Variants in FAT3 observed in about 807,000 individuals in gnomAD.
FAT3 encodes protocadherin Fat 3.
FAT3 carries 95 observed loss-of-function variants against 310.2 expected under a neutral mutation model. The observed-to-expected ratio is 0.31, with a 90% CI of 0.26 to 0.36. The LOEUF is 0.36. Ranked by LOEUF, FAT3 falls within the 10% of genes least tolerant of loss-of-function variation. The pLI is 1.00. For missense variants in FAT3, 5,408 were observed against 5,715.6 expected (o/e 0.95, Z 1.74); for synonymous variants, 2,314 against 2,192.9 (o/e 1.06, Z -1.54).
chr11:92,581,136 C>A (rs1938773921), intron 3 of FAT3, among the ~76,000 whole-genome samples: 1 of 152,012 alleles, frequency 6.6e-6, no homozygotes, highest in Non-Finnish European at 1.5e-5. Flanking sequence ...AGTCCAAATA[C>A]AAGTCTGGCC....
At chr11:92,633,691 C>T (rs1241427959) in intron 3 of FAT3, among the ~76,000 whole-genome samples, 1 of 152,018 alleles carries the variant, frequency 6.6e-6, no homozygotes, top group Non-Finnish European at 1.5e-5. Flanking sequence ...ACTTATGGGT[C>T]AATTGGAGGC....
At chr11:92,666,181 A>G (rs1295037186) in intron 3 of FAT3, among the ~76,000 whole-genome samples, 1 of 152,184 alleles carries the variant, frequency 6.6e-6, no homozygotes, top group Non-Finnish European at 1.5e-5. Flanking sequence ...TTCAGTTATA[A>G]AAGTAGTAAA....
intron 3 of FAT3, among the ~76,000 whole-genome samples, chr11:92,563,084 G>C (rs545358562): frequency 6.6e-6 from 1 of 152,168 alleles, no homozygotes; most frequent in Non-Finnish European, 1.5e-5. Context: ...AATTTAGAAA[G>C]AGCTGGAGAA....
chr11:92,501,766 T>G (rs1387186392), intron 2 of FAT3, among the ~76,000 whole-genome samples: 1 of 152,080 alleles, frequency 6.6e-6, no homozygotes, highest in Non-Finnish European at 1.5e-5. Context: ...AACCTGTACT[T>G]CAGATATGTG....
chr11:92,405,887 A>C (rs897694146), intron 2 of FAT3, among the ~76,000 whole-genome samples: 1 of 152,246 alleles, frequency 6.6e-6, no homozygotes, highest in Non-Finnish European at 1.5e-5. Context: ...ATTTGTAGAA[A>C]TTTAAAATTT....
chr11:92,292,203 A>T (rs1565205655), intron 1 of FAT3, among the ~76,000 whole-genome samples: 1 of 152,086 alleles, frequency 6.6e-6, no homozygotes, highest in Non-Finnish European at 1.5e-5. Flanking sequence ...GTCTTAGATT[A>T]ATGATAAACA....
chr11:92,795,350 A>G (rs1316930009), intron 9 of FAT3, among the ~76,000 whole-genome samples: 1 of 152,148 alleles, frequency 6.6e-6, no homozygotes, highest in South Asian at 2.1e-4. Flanking sequence ...GTTGTGTACT[A>G]GATAAGGAAT....
At chr11:92,621,078 ATTT>A (rs1941063474) in intron 3 of FAT3, among the ~76,000 whole-genome samples, 1 of 152,138 alleles carries the variant, frequency 6.6e-6, no homozygotes, top group Non-Finnish European at 1.5e-5. Context: ...CAACATACAA[ATTT>A]TGGGGTTGGG....
intron 7 of FAT3, 104 bp from the exon 8 acceptor site, chr11:92,789,839 G>T: frequency 1.7e-6 from 2 of 1,192,928 alleles, no homozygotes; most frequent in South Asian, 2.9e-5. Context: ...CTAGAAGCTA[G>T]GATCCAAGGA....
intron 9 of FAT3, among the ~76,000 whole-genome samples, chr11:92,794,076 G>A (rs867751560): frequency 1.7e-4 from 26 of 152,116 alleles, no homozygotes; most frequent in African/African-American, 3.6e-4. Flanking sequence ...CAAAGTTTCC[G>A]GAGAGAATTT....
chr11:92,549,734 G>T (rs2135433460), intron 3 of FAT3, among the ~76,000 whole-genome samples: 1 of 152,228 alleles, frequency 6.6e-6, no homozygotes, highest in African/African-American at 2.4e-5. Context: ...TTAATGTTTA[G>T]AAATCTAACT....
chr11:92,599,872 C>G (rs150921289), intron 3 of FAT3, among the ~76,000 whole-genome samples: 1 of 152,006 alleles, frequency 6.6e-6, no homozygotes, highest in Non-Finnish European at 1.5e-5. Context: ...TATAATACTC[C>G]CTATGCCTTT....
At chr11:92,565,372 A>C (rs1260446064) in intron 3 of FAT3, among the ~76,000 whole-genome samples, 1 of 128,638 alleles carries the variant, frequency 7.8e-6, no homozygotes, top group Non-Finnish European at 1.7e-5. Flanking sequence ...CAATAACAGG[A>C]TCTGAAATTG....
intron 2 of FAT3, among the ~76,000 whole-genome samples, chr11:92,375,649 T>C (rs1949322301): frequency 6.6e-6 from 1 of 152,180 alleles, no homozygotes; most frequent in Admixed American, 6.5e-5. Context: ...TTTGAGGTCT[T>C]AGGTTTTCAT....
chr11:92,446,255 T>A (rs990604129), intron 2 of FAT3, among the ~76,000 whole-genome samples: 2 of 152,214 alleles, frequency 1.3e-5, no homozygotes, highest in African/African-American at 4.8e-5. Context: ...CCCTAGGTGA[T>A]ACTATTCCCT....
intron 3 of FAT3, among the ~76,000 whole-genome samples, chr11:92,593,832 A>G (rs1316305434): frequency 2.0e-5 from 3 of 152,218 alleles, no homozygotes; most frequent in Non-Finnish European, 4.4e-5. Flanking sequence ...CTAGGCCAGG[A>G]AAGTCTATTG....
chr11:92,771,074 C>A (rs569434374), intron 6 of FAT3, among the ~76,000 whole-genome samples: 2 of 152,206 alleles, frequency 1.3e-5, no homozygotes, highest in African/African-American at 2.4e-5. Context: ...TGCCGCACAC[C>A]CCTGCAGCAA....
intron 22 of FAT3, among the ~76,000 whole-genome samples, chr11:92,873,056 A>G (rs570877709): frequency 6.6e-6 from 1 of 152,338 alleles, no homozygotes; most frequent in Admixed American, 6.5e-5. Context: ...AGCAATATAG[A>G]GAGGAAGCTG....
At chr11:92,669,959 T>G (rs1271597194) in intron 3 of FAT3, among the ~76,000 whole-genome samples, 1 of 152,196 alleles carries the variant, frequency 6.6e-6, no homozygotes, top group African/African-American at 2.4e-5. Context: ...AAGACCTAAT[T>G]TTGCCACCAG....
Sources: gnomAD v4.1 joint callset for allele counts (sites outside exome capture counted in the v4.1 genomes callset) on GRCh38, gnomAD v4.1.1 for gene constraint, MANE v1.5 for transcripts, NCBI Gene and HGNC (gene_info 2026-07-23, HGNC 2026-07-21) for gene names.